FOCAD: variants seen among roughly 807,000 people sequenced by gnomAD.
FOCAD encodes the protein KIAA1797.
A neutral mutation model predicts 225.6 loss-of-function variants in FOCAD; 198 were observed. The ratio of observed to expected loss-of-function variants is 0.88; its 90% CI spans 0.78 to 0.99. The LOEUF is 0.99. Ranked by LOEUF, FOCAD falls within the 50% of genes least tolerant of loss-of-function variation. The pLI, the probability that FOCAD is intolerant of heterozygous loss-of-function variation, is 0.00. For missense variants in FOCAD, 2,713 were observed against 2,123.6 expected, an observed-to-expected ratio of 1.28 and a Z score of -5.46; for synonymous variants, 897 against 755.0, an observed-to-expected ratio of 1.19 and a Z score of -3.08.
intron 2 of FOCAD, chr9:20,658,933 GA>G (rs1427134639): frequency 6.6e-6 from 1 of 152,404 alleles, no homozygotes; most frequent in African/African-American, 2.4e-5. Context: ...GGCCTTTAAA[GA>G]GGTGATTAAG....
chr9:20,721,521 A>T (rs543746645), intron 4 of FOCAD, among the ~76,000 whole-genome samples: 1 of 152,122 alleles, frequency 6.6e-6, no homozygotes, highest in South Asian at 2.1e-4. Flanking sequence ...GGCCAACATG[A>T]TGAGACTGTG....
At chr9:20,862,504 A>G (rs1472762486) in intron 15 of FOCAD, 74 bp from the exon 16 acceptor site, 9 of 1,500,480 alleles carry the variant, frequency 6.0e-6, no homozygotes, top group African/African-American at 1.4e-5. Context: ...ATAATAAAAT[A>G]TAGTACTCTT....
chr9:20,948,781 TC>T, intron 31 of FOCAD, 69 bp from the exon 32 acceptor site: 2 of 1,538,928 alleles, frequency 1.3e-6, no homozygotes, highest in Non-Finnish European at 1.8e-6. Context: ...CTCCGTGTCC[TC>T]AGAAGTTTTA....
At chr9:20,753,710 C>G (rs1828783253) in intron 5 of FOCAD, among the ~76,000 whole-genome samples, 1 of 152,070 alleles carries the variant, frequency 6.6e-6, no homozygotes, top group Non-Finnish European at 1.5e-5. Flanking sequence ...TTTTCCACTT[C>G]TATTTTCTTC....
chr9:20,994,411 A>C (rs1447069402), intron 43 of FOCAD, among the ~76,000 whole-genome samples: 1 of 152,202 alleles, frequency 6.6e-6, no homozygotes, highest in Non-Finnish European at 1.5e-5. Flanking sequence ...GCTGCCACTG[A>C]AACTTTCACC....
Position 20,912,948 on chromosome 9 carries a change from G to A in FOCAD, c.2801G>A (p.Trp934Ter). The change falls in exon 23 of 44, where the codon TGG becomes TAG. Residue 934 changes from tryptophan (W) to a stop codon, truncating the protein, a stop_gained. Transcript: ENST00000338382. LOFTEE classifies it high-confidence loss of function. Reference protein sequence around the residue: ...EEVQYKKSTAWLWVRDMLTDE... With the variant: ...EEVQYKKSTA Reference sequence around the variant, plus strand: ...GTGCAGTACAAAAAAAGCACAGCCTGGCTCTGGTAAGTGTTCATGTTCAGC... The same window carrying A: ...GTGCAGTACAAAAAAAGCACAGCCTAGCTCTGGTAAGTGTTCATGTTCAGC... 1 of 1,612,322 alleles carries A rather than the reference G, an allele frequency of 6.2e-7. No homozygotes were observed. Among genetic ancestry groups the A allele is most frequent in the Admixed American group, 1.7e-5 (1 of 59,798 alleles).
At chr9:20,740,814 A>G (rs1827553816) in intron 5 of FOCAD, among the ~76,000 whole-genome samples, 1 of 152,202 alleles carries the variant, frequency 6.6e-6, no homozygotes, top group Non-Finnish European at 1.5e-5. Context: ...CATCTGTAGA[A>G]TGTAATAAGG....
intron 20 of FOCAD, among the ~76,000 whole-genome samples, 180 bp downstream of exon 20, chr9:20,882,236 G>A (rs1218961256): frequency 6.6e-6 from 1 of 152,186 alleles, no homozygotes; most frequent in Admixed American, 6.5e-5. Context: ...AAGACAAATA[G>A]ATGGATTTAA....
intron 2 of FOCAD, among the ~76,000 whole-genome samples, chr9:20,669,807 G>A (rs896240294): frequency 1.3e-5 from 2 of 151,860 alleles, no homozygotes; most frequent in Admixed American, 6.6e-5. Flanking sequence ...ATAATACAGG[G>A]CGCCCATGTA....
chr9:20,757,427 A>T (rs574379559), intron 5 of FOCAD, among the ~76,000 whole-genome samples: 1 of 152,126 alleles, frequency 6.6e-6, no homozygotes, highest in East Asian at 1.9e-4. Flanking sequence ...GAATCCTTCA[A>T]ATTTCAGATT....
At chr9:20,700,606 A>G (rs1350571965) in intron 1 of FOCAD, among the ~76,000 whole-genome samples, 1 of 151,236 alleles carries the variant, frequency 6.6e-6, no homozygotes, top group African/African-American at 2.4e-5. Flanking sequence ...TGTGTTGGTT[A>G]CTAAATTCAA....
chr9:20,890,439 T>G lies in FOCAD; in HGVS notation c.2625+5209T>G, dbSNP rs900813627. Among the ~76,000 whole-genome samples, 54 of 151,894 alleles carry G rather than the reference T, an allele frequency of 3.6e-4. 1 individual carries two copies. The highest frequency in any genetic ancestry group is 1.2e-3 in the African/African-American group (48 of 41,380). On this transcript the variant is annotated intron_variant, in intron 21 of 43. Transcript: ENST00000338382. ...AATGCTTTTTCTGTATCAATTGAGA[T>G]GATTCAACGCTTTTAAAATTTGTTG...
At chr9:20,938,445 C>G (rs1013473218) in intron 28 of FOCAD, among the ~76,000 whole-genome samples, 1 of 152,082 alleles carries the variant, frequency 6.6e-6, no homozygotes, top group Non-Finnish European at 1.5e-5. Context: ...ATGGATGAAG[C>G]TGGAAACCAT....
In FOCAD at chr9:20,990,833, G is replaced by A. The variant is rs905270308; in HGVS notation, c.5256+459G>A. Among the ~76,000 whole-genome samples the A allele has an allele frequency of 8.5e-5, 13 of 152,240 alleles. 1 individual carries two copies. Among genetic ancestry groups the A allele is most frequent in the Admixed American group, 7.2e-4 (11 of 15,298 alleles). ...GGAAGTTTTCTGCCAGGAAATGTGG[G>A]TCGGGAGCATCCATCTTCTTGTAGC... On this transcript the variant is annotated intron_variant, in intron 42 of 43. Transcript: ENST00000338382.
chr9:20,739,055 G>T (rs1827381529), intron 4 of FOCAD, among the ~76,000 whole-genome samples: 1 of 152,028 alleles, frequency 6.6e-6, no homozygotes, highest in Non-Finnish European at 1.5e-5. Flanking sequence ...ATTGGACTGT[G>T]CAGGTCTACT....
At chr9:20,765,179 A>T in intron 7 of FOCAD, 106 bp downstream of exon 7, 1 of 932,708 alleles carries the variant, frequency 1.1e-6, no homozygotes, top group African/African-American at 1.7e-5. Context: ...AAACTCAGAC[A>T]TGATCCTCGC....
At chr9:20,950,698 T>G (rs1258878510) in intron 33 of FOCAD, among the ~76,000 whole-genome samples, 1 of 152,200 alleles carries the variant, frequency 6.6e-6, no homozygotes, top group Non-Finnish European at 1.5e-5. Flanking sequence ...TTTTGCAATT[T>G]TTTTGAAAAT....
At chr9:20,783,335 T>C (rs1447224180) in intron 10 of FOCAD, among the ~76,000 whole-genome samples, 4 of 152,156 alleles carry the variant, frequency 2.6e-5, no homozygotes, top group Non-Finnish European at 5.9e-5. Flanking sequence ...TTTGAGTAGA[T>C]ATATGATCAC....
At chr9:20,862,518 TA>T (rs1828864108) in intron 15 of FOCAD, 59 bp from the exon 16 acceptor site, 1 of 1,564,422 alleles carries the variant, frequency 6.4e-7, no homozygotes, top group Admixed American at 1.9e-5. Context: ...TACTCTTAAT[TA>T]ATGGCTTCAT....
Sources: gnomAD v4.1 joint callset for allele counts (sites outside exome capture counted in the v4.1 genomes callset) on GRCh38, gnomAD v4.1.1 for gene constraint, MANE v1.5 for transcripts, NCBI Gene and HGNC (gene_info 2026-07-23, HGNC 2026-07-21) for gene names.